The following SH3KBP1 variants were observed in gnomAD, a reference collection of about 807,000 sequenced individuals.
SH3KBP1 encodes SH3 domain-containing kinase-binding protein 1.
In SH3KBP1, 8 loss-of-function variants were observed where a neutral mutation model predicts 50.1. That is an observed-to-expected ratio of 0.16 (90% CI 0.09 to 0.29). SH3KBP1 has a LOEUF of 0.29. Ranked by LOEUF, SH3KBP1 falls within the 10% of genes least tolerant of loss-of-function variation. The pLI is 1.00. For missense variants in SH3KBP1, 377 were observed against 535.2 expected (o/e 0.70, Z 2.92); for synonymous variants, 227 against 218.6 (o/e 1.04, Z -0.34).
intron 2 of SH3KBP1, among the ~76,000 whole-genome samples, chrX:19,783,524 C>T (rs1421484571): frequency 9.0e-6 from 1 of 110,884 alleles, no homozygotes; most frequent in Non-Finnish European, 1.9e-5. Context: ...TTCTGTATCC[C>T]TTAATCAACC....
rs12687172 is a variant in SH3KBP1 at position 19,693,859 on chromosome X, T to C, written c.520+1753A>G. 1.9e-3 allele frequency among the ~76,000 whole-genome samples: 213 copies of C among 112,303 alleles called. 4 individuals are homozygous for C. The East Asian group carries it at 0.045, about 24-fold the overall frequency. On this transcript the variant is annotated intron_variant, in intron 5 of 17. Coordinates refer to ENST00000397821, the MANE Select transcript of SH3KBP1 (RefSeq NM_031892.3). Reference sequence around the variant, plus strand: ...TCCAGCTCTGAGAGCATAGCTAAAATGGCAGGACACCAATATGTCAAGACT... The same window carrying C: ...TCCAGCTCTGAGAGCATAGCTAAAACGGCAGGACACCAATATGTCAAGACT...
chrX:19,670,846 A>AAAAAAAAAAG, intron 6 of SH3KBP1: 1 of 1,135,634 alleles, frequency 8.8e-7, no homozygotes, highest in African/African-American at 2.0e-5. Context: ...AAGCAAAAAA[A>AAAAAAAAAAG]AAAAAAAAGA....
At chrX:19,661,383 T>C (rs2062446196) in intron 6 of SH3KBP1, among the ~76,000 whole-genome samples, 1 of 111,088 alleles carries the variant, frequency 9.0e-6, no homozygotes, top group African/African-American at 3.3e-5. Flanking sequence ...AAATTCTATA[T>C]AATGCGAAGT....
At position 19,799,688 on chromosome X, in the gene SH3KBP1, G is replaced by A. The variant is rs768937369; in HGVS notation, c.162+36437C>T. The A allele has an allele frequency of 3.3e-6, 4 of 1,207,724 alleles. No homozygotes were observed. In the African/African-American group the frequency reaches 7.0e-5, roughly 21 times the overall value. ...CTTTGGCTGCTGAAACCTCCATTCT[G>A]TGAAGTATGAAATGGTAATTTCTGG... On this transcript the variant is annotated intron_variant, in intron 2 of 17. Transcript: ENST00000397821.
At chrX:19,710,569 T>C (rs1329332803) in intron 3 of SH3KBP1, among the ~76,000 whole-genome samples, 2 of 112,197 alleles carry the variant, frequency 1.8e-5, no homozygotes, top group African/African-American at 3.3e-5. Flanking sequence ...ACTTTTATTA[T>C]AGTATATTGT....
At chrX:19,641,752 C>T (rs1245040181) in intron 7 of SH3KBP1, among the ~76,000 whole-genome samples, 4 of 111,969 alleles carry the variant, frequency 3.6e-5, no homozygotes, top group African/African-American at 9.7e-5. Flanking sequence ...TGTTTCTTAC[C>T]ATTGTGTTTA....
At chrX:19,844,136 C>A (rs991644486) in intron 1 of SH3KBP1, among the ~76,000 whole-genome samples, 4 of 111,719 alleles carry the variant, frequency 3.6e-5, no homozygotes, top group Admixed American at 9.5e-5. Context: ...TATACAGAAG[C>A]TGCTCCATTA....
intron 8 of SH3KBP1, among the ~76,000 whole-genome samples, chrX:19,614,717 C>A (rs1284300251): frequency 1.8e-5 from 2 of 111,600 alleles, no homozygotes; most frequent in Non-Finnish European, 3.8e-5. Context: ...TGTGAAAATG[C>A]CAATTCAAAT....
At chrX:19,826,973 A>G (rs2067699887) in intron 2 of SH3KBP1, among the ~76,000 whole-genome samples, 1 of 112,254 alleles carries the variant, frequency 8.9e-6, no homozygotes, top group Non-Finnish European at 1.9e-5. Flanking sequence ...TCATAAATCA[A>G]GAAGAACAAA....
chrX:19,554,377 ATATAT>A (rs1371885456), intron 13 of SH3KBP1, among the ~76,000 whole-genome samples: 33 of 89,853 alleles, frequency 3.7e-4, no homozygotes, highest in Non-Finnish European at 6.1e-4. Context: ...TTAAAATATA[ATATAT>A]ATCATATTAA....
intron 12 of SH3KBP1, among the ~76,000 whole-genome samples, chrX:19,587,218 G>A (rs2066598088): frequency 1.1e-5 from 1 of 91,624 alleles, no homozygotes; most frequent in Non-Finnish European, 2.1e-5. Context: ...GCGAAACTCT[G>A]CCTCAAAAAA....
chrX:19,760,009 GTC>G (rs1210555924), intron 2 of SH3KBP1, among the ~76,000 whole-genome samples: 1 of 55,452 alleles, frequency 1.8e-5, no homozygotes, highest in Non-Finnish European at 3.4e-5. Flanking sequence ...ATCAGTCTCG[GTC>G]TCTCTCTCTC....
At chrX:19,879,443 G>A (rs748394901) in intron 1 of SH3KBP1, among the ~76,000 whole-genome samples, 1 of 111,257 alleles carries the variant, frequency 9.0e-6, no homozygotes, top group Non-Finnish European at 1.9e-5. Context: ...ATCATCTGAT[G>A]TCATGGGCCA....
intron 6 of SH3KBP1, chrX:19,670,839 C>CAATAAAAAAAAA (rs2062771232): frequency 1.9e-6 from 1 of 533,588 alleles, no homozygotes; most frequent in African/African-American, 4.3e-5. Flanking sequence ...ACTCTAAAAG[C>CAATAAAAAAAAA]AAAAAAAAAA....
intron 1 of SH3KBP1, among the ~76,000 whole-genome samples, chrX:19,873,373 T>G (rs1006811751): frequency 1.2e-4 from 12 of 103,803 alleles, no homozygotes; most frequent in Non-Finnish European, 2.1e-4. Context: ...AAGTATATAT[T>G]AATAGTAAAA....
At chrX:19,766,424 T>C (rs938490372) in intron 2 of SH3KBP1, among the ~76,000 whole-genome samples, 2 of 107,015 alleles carry the variant, frequency 1.9e-5, no homozygotes, top group Non-Finnish European at 3.8e-5. Flanking sequence ...TTATCAGATA[T>C]ATGATTTGAA....
chrX:19,723,888 T>A (rs984591148), intron 3 of SH3KBP1, among the ~76,000 whole-genome samples: 1 of 110,932 alleles, frequency 9.0e-6, no homozygotes, highest in African/African-American at 3.3e-5. Flanking sequence ...GGGTGGGGAA[T>A]AAGCATCATC....
chrX:19,647,533 T>A (rs2062016564), intron 6 of SH3KBP1, among the ~76,000 whole-genome samples: 2 of 111,926 alleles, frequency 1.8e-5, no homozygotes, highest in African/African-American at 3.3e-5. Context: ...TTCCTTCCTA[T>A]TTCAGAAAAC....
intron 6 of SH3KBP1, among the ~76,000 whole-genome samples, chrX:19,671,377 C>CACACACACACACACACACAT (rs2062787910): frequency 9.1e-6 from 1 of 109,305 alleles, no homozygotes; most frequent in East Asian, 2.8e-4. Context: ...CATAAACACA[C>CACACACACACACACACACAT]ACACACACAC....
Sources: allele counts gnomAD v4.1 joint callset (sites outside exome capture counted in the v4.1 genomes callset), GRCh38; gene constraint gnomAD v4.1.1; transcripts MANE v1.5; gene names NCBI Gene and HGNC (gene_info 2026-07-23, HGNC 2026-07-21).